Variants in ME3 observed in about 807,000 individuals in gnomAD.
ME3 encodes malic enzyme 3.
Under a neutral mutation model 68.9 loss-of-function variants are expected in ME3, and 48 were observed. The ratio of observed to expected loss-of-function variants is 0.70; its 90% CI spans 0.55 to 0.89. The LOEUF (loss-of-function observed/expected upper bound fraction) is 0.89. ME3 is among the 40% of genes least tolerant of loss of function. ME3 has a pLI of 0.00. For missense variants in ME3, 675 were observed against 797.4 expected (o/e 0.85, Z 1.85); for synonymous variants, 320 against 318.8 (o/e 1.00, Z -0.04).
At chr11:86,506,645 C>A (rs1232337362) in intron 5 of ME3, among the ~76,000 whole-genome samples, 1 of 152,210 alleles carries the variant, frequency 6.6e-6, no homozygotes, top group Non-Finnish European at 1.5e-5. Flanking sequence ...TAGTGGAGAA[C>A]CTCCTGGCAC....
rs1269960679 is a variant in ME3, at chr11:86,446,405, T to G, written c.1463A>C (p.Asn488Thr). 1 of 1,614,206 alleles carries G rather than the reference T, an allele frequency of 6.2e-7. No homozygotes were observed. The highest frequency in any genetic ancestry group is 8.5e-7 in the Non-Finnish European group (1 of 1,180,038). Residue 488 changes from asparagine (N) to threonine (T), a missense_variant, in exon 13 of 15, where the codon AAC becomes ACC. Transcript: ENST00000543262. ...CACCCCGGGGAACACGTAAGCATTG[T>G]TTCCCTGCCCAGGAATGAAGGTCTT...
intron 2 of ME3, among the ~76,000 whole-genome samples, chr11:86,645,617 G>A (rs553976751): frequency 1.8e-4 from 28 of 152,290 alleles, no homozygotes; most frequent in African/African-American, 6.7e-4. Flanking sequence ...GTGGCTGTGG[G>A]TGCAGCTTCA....
chr11:86,563,912 G>A (rs1392635505), intron 2 of ME3, among the ~76,000 whole-genome samples: 1 of 152,116 alleles, frequency 6.6e-6, no homozygotes, highest in African/African-American at 2.4e-5. Context: ...TTTAGCTTAG[G>A]ATTGCTTGGC....
At chr11:86,544,321 A>G (rs12804407) in intron 4 of ME3, among the ~76,000 whole-genome samples, 4 of 152,106 alleles carry the variant, frequency 2.6e-5, no homozygotes, top group African/African-American at 9.7e-5. Flanking sequence ...GAACTGAAGG[A>G]GATAGAGACA....
intron 2 of ME3, among the ~76,000 whole-genome samples, chr11:86,590,706 G>C (rs770321703): frequency 2.3e-4 from 35 of 152,166 alleles, no homozygotes; most frequent in Non-Finnish European, 3.5e-4. Flanking sequence ...TGAAAGCTTT[G>C]TTAATTACGT....
At chr11:86,569,382 C>T (rs1207869400) in intron 2 of ME3, among the ~76,000 whole-genome samples, 1 of 152,132 alleles carries the variant, frequency 6.6e-6, no homozygotes, top group Non-Finnish European at 1.5e-5. Flanking sequence ...ATTCTCTGAC[C>T]CCTTCCTCCT....
intron 4 of ME3, among the ~76,000 whole-genome samples, chr11:86,521,894 C>T (rs1954338411): frequency 1.3e-5 from 2 of 152,190 alleles, no homozygotes; most frequent in Non-Finnish European, 2.9e-5. Context: ...AAGTGGCTTA[C>T]AGTTGGCCAT....
intron 6 of ME3, among the ~76,000 whole-genome samples, chr11:86,490,895 T>C (rs1340896061): frequency 6.6e-6 from 1 of 152,176 alleles, no homozygotes; most frequent in Non-Finnish European, 1.5e-5. Flanking sequence ...AGTTCCCCAG[T>C]GGCACTAAGG....
chr11:86,514,929 T>C (rs1357339226), intron 4 of ME3, among the ~76,000 whole-genome samples: 1 of 152,208 alleles, frequency 6.6e-6, no homozygotes, highest in Non-Finnish European at 1.5e-5. Flanking sequence ...AGAGAGATAT[T>C]TGGCTCATAG....
At chr11:86,462,623 A>G (rs1481031416) in intron 8 of ME3, 4 of 1,285,876 alleles carry the variant, frequency 3.1e-6, no homozygotes, top group Non-Finnish European at 4.1e-6. Flanking sequence ...CATCATTCAT[A>G]TATTCTTTAA....
intron 3 of ME3, among the ~76,000 whole-genome samples, chr11:86,558,137 T>G (rs1413420613): frequency 2.6e-5 from 4 of 152,214 alleles, no homozygotes; most frequent in Non-Finnish European, 5.9e-5. Context: ...GTGAGGCCCA[T>G]CTACCTGGAA....
At chr11:86,669,829 A>G (rs1946810470) in intron 2 of ME3, among the ~76,000 whole-genome samples, 1 of 152,246 alleles carries the variant, frequency 6.6e-6, no homozygotes, top group Admixed American at 6.5e-5. Context: ...AAAAGACTTA[A>G]AGATCTTCCT....
chr11:86,668,708 C>T (rs552120219), intron 2 of ME3, among the ~76,000 whole-genome samples: 1 of 152,226 alleles, frequency 6.6e-6, no homozygotes, highest in Non-Finnish European at 1.5e-5. Flanking sequence ...CCCTGGTCGG[C>T]ACCTCTTCTC....
intron 7 of ME3, among the ~76,000 whole-genome samples, chr11:86,486,178 G>A (rs1406682200): frequency 6.6e-6 from 1 of 152,072 alleles, no homozygotes; most frequent in Non-Finnish European, 1.5e-5. Flanking sequence ...AGCTCTTCAG[G>A]TGTGCACTGG....
intron 2 of ME3, among the ~76,000 whole-genome samples, chr11:86,667,313 A>C (rs1324221310): frequency 2.0e-5 from 3 of 152,220 alleles, no homozygotes; most frequent in Non-Finnish European, 4.4e-5. Context: ...CACTGCTGGC[A>C]CACACGGATC....
chr11:86,487,487 GT>G (rs759580667), intron 6 of ME3, 47 bp from the exon 7 acceptor site: 50,296 of 1,084,092 alleles, frequency 0.046, 91 homozygotes, highest in African/African-American at 0.08. Flanking sequence ...CGGTGTTCCT[GT>G]TTTTTTTTTT....
chr11:86,528,567 C>T (rs1191516159), intron 4 of ME3, among the ~76,000 whole-genome samples: 9 of 152,126 alleles, frequency 5.9e-5, no homozygotes, highest in African/African-American at 1.7e-4. Flanking sequence ...TTTTCAGCAC[C>T]GTGCCACACC....
At position 86,594,183 on chromosome 11, in the gene ME3, A is replaced by C. The variant is rs1959179310; in HGVS notation, c.184-34360T>G. Among the ~76,000 whole-genome samples the C allele has an allele frequency of 1.4e-5, 2 of 147,010 alleles. 1 individual carries two copies. Among genetic ancestry groups the C allele is most frequent in the Non-Finnish European group, 3.0e-5 (2 of 67,260 alleles). ...GCATACTGTCAAATCACTTTTAGAA[A>C]GGTCGAACTATTTTATAACTCCAGT... On this transcript the variant is annotated intron_variant, in intron 2 of 14. Transcript: ENST00000543262.
chr11:86,451,282 G>A (rs1264118066), intron 8 of ME3, among the ~76,000 whole-genome samples: 1 of 152,204 alleles, frequency 6.6e-6, no homozygotes, highest in Admixed American at 6.5e-5. Context: ...AGGAGGTCTG[G>A]GGAAAAGGTA....
Sources: gnomAD v4.1 joint callset for allele counts (sites outside exome capture counted in the v4.1 genomes callset) on GRCh38, gnomAD v4.1.1 for gene constraint, MANE v1.5 for transcripts, NCBI Gene and HGNC (gene_info 2026-07-23, HGNC 2026-07-21) for gene names.